Variants in SMPD3 observed in about 807,000 individuals in gnomAD.
The protein encoded by SMPD3 is nSMase-2.
A neutral mutation model predicts 55.7 loss-of-function variants in SMPD3; 21 were observed. That is an observed-to-expected ratio of 0.38 (90% CI 0.27 to 0.54). The LOEUF (loss-of-function observed/expected upper bound fraction) is 0.54. Among genes scored for constraint, SMPD3 ranks in the 20% least tolerant of loss-of-function variants. The pLI, the probability that SMPD3 is intolerant of heterozygous loss-of-function variation, is 0.80. For synonymous variants in SMPD3, 457 were observed against 404.3 expected (o/e 1.13, Z -1.56); for missense variants, 842 against 899.6 (o/e 0.94, Z 0.82).
intron 1 of SMPD3, among the ~76,000 whole-genome samples, chr16:68,388,453 T>C (rs2090081030): frequency 6.6e-6 from 1 of 152,146 alleles, no homozygotes; most frequent in Non-Finnish European, 1.5e-5. Flanking sequence ...CATCTGGCAT[T>C]AGACATAAAG....
intron 1 of SMPD3, among the ~76,000 whole-genome samples, chr16:68,445,522 G>A (rs1220857698): frequency 2.0e-5 from 3 of 152,192 alleles, no homozygotes; most frequent in Non-Finnish European, 4.4e-5. Context: ...CTGAAGGTAG[G>A]AGGGAGCCCC....
intron 1 of SMPD3, among the ~76,000 whole-genome samples, chr16:68,436,687 T>A (rs2090525138): frequency 1.3e-5 from 2 of 152,208 alleles, no homozygotes; most frequent in South Asian, 4.1e-4. Context: ...CTTCTGAAGG[T>A]TAACAGTGGA....
At chr16:68,427,753 G>GT (rs1555596587) in intron 1 of SMPD3, among the ~76,000 whole-genome samples, 2 of 70,192 alleles carry the variant, frequency 2.8e-5, no homozygotes, top group Non-Finnish European at 7.9e-5. Flanking sequence ...AAAAATGACT[G>GT]GGGGGGGGTG....
intron 1 of SMPD3, among the ~76,000 whole-genome samples, chr16:68,393,648 C>A (rs990571156): frequency 6.6e-6 from 1 of 152,134 alleles, no homozygotes; most frequent in Non-Finnish European, 1.5e-5. Flanking sequence ...AGAGTGTAGG[C>A]GGACTCTTGG....
intron 1 of SMPD3, among the ~76,000 whole-genome samples, chr16:68,410,471 G>T (rs1228247534): frequency 6.6e-6 from 1 of 152,160 alleles, no homozygotes; most frequent in Non-Finnish European, 1.5e-5. Context: ...GGCTATTTGG[G>T]CAGTGGGGCT....
In SMPD3 at chr16:68,365,101, G is replaced by T; in HGVS notation, c.1324-9C>A. On this transcript the variant is annotated splice_polypyrimidine_tract_variant and intron_variant, in intron 3 of 8. Coordinates refer to ENST00000219334, the MANE Select transcript of SMPD3 (RefSeq NM_018667.4). ...GTGCTTCCCACCTGCACCTGGGGGA[G>T]GAGGGGGTCAGTGCTGCCACCTGCC... The T allele has an allele frequency of 6.2e-7, 1 of 1,613,900 alleles. No individual in the cohort carries two copies. Among genetic ancestry groups the T allele is most frequent in the African/African-American group, 1.3e-5 (1 of 75,036 alleles).
chr16:68,371,655 T>G lies in SMPD3; in HGVS notation c.527A>C (p.Asn176Thr). Reference sequence around the variant, plus strand: ...GAAGCTAGCGGCGCTGATGGAGGTATTGGTGGGGGAGTCGATGTAAATTTT... The same window carrying G: ...GAAGCTAGCGGCGCTGATGGAGGTAGTGGTGGGGGAGTCGATGTAAATTTT... ...QIKIYIDSPT[N>T]TSISAASFSS... The change falls in exon 3 of 9, where the codon AAT becomes ACT. Residue 176 changes from asparagine (N) to threonine (T), a missense_variant. This residue lies in a region of SMPD3 where 193 missense variants were observed against 256.0 expected (regional missense o/e 0.75). Transcript: ENST00000219334. The G allele has an allele frequency of 6.4e-7, 1 of 1,564,978 alleles. No homozygotes were observed. The highest frequency in any genetic ancestry group is 8.6e-7 in the Non-Finnish European group (1 of 1,156,082).
chr16:68,425,617 G>A (rs918977348), intron 1 of SMPD3, among the ~76,000 whole-genome samples: 2 of 152,226 alleles, frequency 1.3e-5, no homozygotes, highest in African/African-American at 4.8e-5. Context: ...ACAGGGGCAG[G>A]GAGGTGGCAG....
At chr16:68,394,187 G>A (rs867285772) in intron 1 of SMPD3, among the ~76,000 whole-genome samples, 6 of 152,044 alleles carry the variant, frequency 3.9e-5, no homozygotes, top group Non-Finnish European at 8.8e-5. Context: ...TCTCCTTTAT[G>A]TGTTCCTCAT....
chr16:68,409,750 C>T (rs564372013), intron 1 of SMPD3, among the ~76,000 whole-genome samples: 1 of 152,308 alleles, frequency 6.6e-6, no homozygotes, highest in East Asian at 1.9e-4. Flanking sequence ...CCCGCCACCA[C>T]GCCCGGCTAA....
At chr16:68,361,820 G>A in intron 7 of SMPD3, 61 bp from the exon 8 acceptor site, 3 of 1,574,030 alleles carry the variant, frequency 1.9e-6, no homozygotes, top group African/African-American at 1.3e-5. Flanking sequence ...CCTGGCAGGG[G>A]CTGTGTGTGG....
At chr16:68,372,836 G>A (rs1008156303) in intron 2 of SMPD3, among the ~76,000 whole-genome samples, 2 of 152,166 alleles carry the variant, frequency 1.3e-5, no homozygotes, top group Admixed American at 1.3e-4. Flanking sequence ...CCACAAACAT[G>A]GCCACTTGTC....
At chr16:68,366,311 C>G (rs936037552) in intron 3 of SMPD3, among the ~76,000 whole-genome samples, 1 of 152,228 alleles carries the variant, frequency 6.6e-6, no homozygotes, top group Non-Finnish European at 1.5e-5. Context: ...TCCATCTGGA[C>G]GTCCTCAGCA....
Position 68,367,760 on chromosome 16 carries a change from C to T in SMPD3, c.1324-2668G>A, listed in dbSNP as rs1275096252. On this transcript the variant is annotated intron_variant, in intron 3 of 8. Coordinates refer to ENST00000219334, the MANE Select transcript of SMPD3 (RefSeq NM_018667.4). The stretch of plus-strand genomic sequence containing the variant: ...GGCCTCATTGATTCCTGGCTCGTGG[C>T]CTTGGGAGCCGCAGAGCCTTGTGTT... The T allele has an allele frequency of 5.9e-5, 9 of 152,366 alleles. No individual in the cohort carries two copies. The East Asian group carries it at 1.7e-3, about 29-fold the overall frequency. 9.4% of individuals were successfully genotyped at this position (152,366 alleles called of 1,614,324 possible).
intron 1 of SMPD3, among the ~76,000 whole-genome samples, chr16:68,438,120 G>C (rs2090538105): frequency 6.6e-6 from 1 of 152,232 alleles, no homozygotes; most frequent in African/African-American, 2.4e-5. Context: ...ACTATTGCCT[G>C]CCTCCCAGTG....
intron 1 of SMPD3, among the ~76,000 whole-genome samples, chr16:68,390,703 T>A (rs1047161761): frequency 6.6e-6 from 1 of 152,142 alleles, no homozygotes; most frequent in African/African-American, 2.4e-5. Context: ...CTTCTGGGAA[T>A]GCAGCCCAGC....
chr16:68,410,466 T>C (rs779812227), intron 1 of SMPD3, among the ~76,000 whole-genome samples: 4 of 152,224 alleles, frequency 2.6e-5, no homozygotes, highest in African/African-American at 4.8e-5. Flanking sequence ...CCTCAGGCTA[T>C]TTGGGCAGTG....
At chr16:68,409,481 G>C (rs374031741) in intron 1 of SMPD3, among the ~76,000 whole-genome samples, 11 of 152,322 alleles carry the variant, frequency 7.2e-5, no homozygotes, top group African/African-American at 2.6e-4. Context: ...TTCCATCTCT[G>C]AAGTGGGCAT....
chr16:68,405,655 GA>G (rs2090249247), intron 1 of SMPD3, among the ~76,000 whole-genome samples: 1 of 151,816 alleles, frequency 6.6e-6, no homozygotes, highest in African/African-American at 2.4e-5. Flanking sequence ...ATACTCAGAT[GA>G]AAATAGTGAC....
Sources: allele counts gnomAD v4.1 joint callset (sites outside exome capture counted in the v4.1 genomes callset), GRCh38; gene constraint gnomAD v4.1.1; regional missense constraint gnomAD v4.1.1; transcripts MANE v1.5; gene names NCBI Gene and HGNC (gene_info 2026-07-23, HGNC 2026-07-21).